The following CD99L2 variants were observed in gnomAD, a reference collection of about 807,000 sequenced individuals.
CD99L2 encodes the protein CD99 antigen-like protein 2.
CD99L2 carries 24 observed loss-of-function variants against 27.3 expected under a neutral mutation model. The ratio of observed to expected loss-of-function variants is 0.88; its 90% CI spans 0.64 to 1.24. The LOEUF (loss-of-function observed/expected upper bound fraction) is 1.24. Among genes scored for constraint, CD99L2 ranks in the 50% most tolerant of loss-of-function variants. The probability of loss-of-function intolerance (pLI) is 0.00; values close to 1 mark genes in which losing one functional copy is unlikely to be tolerated. For synonymous variants in CD99L2, 97 were observed against 87.9 expected (o/e 1.10, Z -0.58); for missense variants, 255 against 221.6 (o/e 1.15, Z -0.96).
At chrX:150,876,763 GA>G (rs1334965052) in intron 1 of CD99L2, among the ~76,000 whole-genome samples, 2 of 111,970 alleles carry the variant, frequency 1.8e-5, no homozygotes, top group African/African-American at 6.5e-5. Flanking sequence ...ATGCCACGGG[GA>G]AGAACAGGAA....
chrX:150,880,723 T>C lies in CD99L2; in HGVS notation c.67+17799A>G, dbSNP rs782393230. 7.1e-4 allele frequency among the ~76,000 whole-genome samples: 79 copies of C among 111,814 alleles called. No homozygotes were observed. The Middle Eastern group carries it at 0.014, about 19-fold the overall frequency. On this transcript the variant is annotated intron_variant, in intron 1 of 10. Coordinates refer to ENST00000370377, the MANE Select transcript of CD99L2 (RefSeq NM_031462.4). ...AAGAAAATGGAACTGTTTTAACATG[T>C]GGGAGGAGAAAGGAAATTAATCCTC...
intron 2 of CD99L2, among the ~76,000 whole-genome samples, chrX:150,823,632 T>C (rs1187038185): frequency 9.0e-6 from 1 of 111,405 alleles, no homozygotes; most frequent in Non-Finnish European, 1.9e-5. Flanking sequence ...CTTACAGTCA[T>C]AGAGGATGAG....
intron 9 of CD99L2, among the ~76,000 whole-genome samples, chrX:150,772,140 T>G (rs1761372030): frequency 9.0e-6 from 1 of 111,695 alleles, no homozygotes; most frequent in South Asian, 3.7e-4. Context: ...TCTCAGTGTT[T>G]TCAGCCACCC....
intron 1 of CD99L2, among the ~76,000 whole-genome samples, chrX:150,862,297 T>C (rs1163807874): frequency 9.0e-6 from 1 of 111,268 alleles, no homozygotes; most frequent in Non-Finnish European, 1.9e-5. Flanking sequence ...CCAGATGTGA[T>C]TAAGGATCCT....
chrX:150,803,342 A>C (rs945158779), intron 4 of CD99L2, among the ~76,000 whole-genome samples: 11 of 112,427 alleles, frequency 9.8e-5, no homozygotes, highest in Non-Finnish European at 2.1e-4. Context: ...CACAAAGTAA[A>C]AATGTCAACT....
chrX:150,796,481 TAG>T (rs2045799503), intron 4 of CD99L2, among the ~76,000 whole-genome samples: 1 of 112,333 alleles, frequency 8.9e-6, no homozygotes, highest in African/African-American at 3.2e-5. Context: ...CACCTAACAA[TAG>T]AGTGTCTAGA....
chrX:150,841,368 C>G (rs2046620708), intron 1 of CD99L2, among the ~76,000 whole-genome samples: 2 of 112,286 alleles, frequency 1.8e-5, no homozygotes, highest in African/African-American at 6.5e-5. Context: ...AAACTGGTAA[C>G]AGTAGTTATG....
chrX:150,894,733 G>A (rs191603811), intron 1 of CD99L2, among the ~76,000 whole-genome samples: 121 of 110,127 alleles, frequency 1.1e-3, no homozygotes, highest in African/African-American at 3.5e-3. Context: ...GACTACAGGC[G>A]CATGCCACCA....
intron 4 of CD99L2, among the ~76,000 whole-genome samples, chrX:150,798,163 GAAA>G (rs2045833797): frequency 5.3e-5 from 1 of 19,001 alleles, no homozygotes; most frequent in Non-Finnish European, 9.1e-5. Flanking sequence ...AGGGAGGGAG[GAAA>G]GGAAGGAAGG....
At chrX:150,772,394 C>G (rs1557419129) in intron 9 of CD99L2, among the ~76,000 whole-genome samples, 1 of 112,428 alleles carries the variant, frequency 8.9e-6, no homozygotes, top group African/African-American at 3.2e-5. Context: ...GCCTGCAGGG[C>G]GAGAGGAGCT....
intron 3 of CD99L2, among the ~76,000 whole-genome samples, chrX:150,815,654 G>A (rs1490568000): frequency 4.5e-5 from 5 of 112,293 alleles, no homozygotes; most frequent in African/African-American, 1.6e-4. Context: ...TAAAATAAAT[G>A]CCATTCCAAA....
At chrX:150,772,242 C>T (rs1453451540) in intron 9 of CD99L2, among the ~76,000 whole-genome samples, 6 of 112,843 alleles carry the variant, frequency 5.3e-5, no homozygotes, top group African/African-American at 1.9e-4. Context: ...ATGGACGGTC[C>T]AGAGACTCCT....
chrX:150,865,496 AATAG>A (rs781852879), intron 1 of CD99L2, among the ~76,000 whole-genome samples: 125 of 111,900 alleles, frequency 1.1e-3, no homozygotes, highest in African/African-American at 3.8e-3. Context: ...CAGATGGATA[AATAG>A]ATAGATAAAT....
chrX:150,797,984 G>A (rs917173873), intron 4 of CD99L2, among the ~76,000 whole-genome samples: 13 of 102,188 alleles, frequency 1.3e-4, no homozygotes, highest in Middle Eastern at 9.7e-3. Context: ...GGAGGCTGCA[G>A]TGAGCCGTGA....
intron 6 of CD99L2, among the ~76,000 whole-genome samples, chrX:150,794,684 G>A (rs986987053): frequency 9.0e-6 from 1 of 111,640 alleles, no homozygotes; most frequent in Non-Finnish European, 1.9e-5. Context: ...ACAAGGATCT[G>A]AAAAGTCTGT....
In CD99L2 at chrX:150,793,009, G is replaced by C. The variant is rs148688108; in HGVS notation, c.496+682C>G. 3.4e-3 allele frequency among the ~76,000 whole-genome samples: 382 copies of C among 110,750 alleles called. 1 individual carries two copies. Among genetic ancestry groups the C allele is most frequent in the African/African-American group, 0.012 (366 of 30,400 alleles). ...GTTCTGCCTGCTAATTATGGTAATG[G>C]TTACTCAAATCTACACACATAACAT... is the stretch of plus-strand genomic sequence containing the variant. On this transcript the variant is annotated intron_variant, in intron 7 of 10. Transcript: ENST00000370377.
At chrX:150,819,066 G>T in intron 2 of CD99L2, 1 of 317,741 alleles carries the variant, frequency 3.1e-6, no homozygotes. Context: ...ATGGTAGACC[G>T]AATACAAATG....
intron 2 of CD99L2, among the ~76,000 whole-genome samples, chrX:150,827,223 T>A (rs950217249): frequency 9.0e-6 from 1 of 111,166 alleles, no homozygotes; most frequent in Admixed American, 9.6e-5. Context: ...GAGAAGAACA[T>A]TCTCTGCAAG....
chrX:150,896,596 AG>A (rs2047614901), intron 1 of CD99L2, among the ~76,000 whole-genome samples: 1 of 111,911 alleles, frequency 8.9e-6, no homozygotes. Context: ...CCTGGCACAC[AG>A]GAAGAACTCA....
Sources: allele counts gnomAD v4.1 joint callset (sites outside exome capture counted in the v4.1 genomes callset), GRCh38; gene constraint gnomAD v4.1.1; transcripts MANE v1.5; gene names NCBI Gene and HGNC (gene_info 2026-07-23, HGNC 2026-07-21).